The following SFT2D1 variants were observed in gnomAD, a reference collection of about 807,000 sequenced individuals.
SFT2D1 encodes the protein SFT2 domain containing 1.
SFT2D1 carries 24 observed loss-of-function variants against 28.1 expected under a neutral mutation model. The observed-to-expected ratio is 0.85, with a 90% CI of 0.62 to 1.20. The LOEUF (loss-of-function observed/expected upper bound fraction) is 1.20. Ranked by LOEUF, SFT2D1 falls within the 50% of genes most tolerant of loss-of-function variation. The pLI, the probability that SFT2D1 is intolerant of heterozygous loss-of-function variation, is 0.00. For missense variants in SFT2D1, 181 were observed against 190.9 expected (o/e 0.95, Z 0.31); for synonymous variants, 82 against 73.7 (o/e 1.11, Z -0.58).
chr6:166,320,509 TAA>T (rs1349931282), intron 7 of SFT2D1, among the ~76,000 whole-genome samples: 1 of 152,094 alleles, frequency 6.6e-6, no homozygotes, highest in Non-Finnish European at 1.5e-5. Context: ...ATCAAAGAAA[TAA>T]GTTTAAATAC....
chr6:166,321,069 C>A (rs1040168071), intron 7 of SFT2D1, among the ~76,000 whole-genome samples: 30 of 151,844 alleles, frequency 2.0e-4, no homozygotes, highest in African/African-American at 7.3e-4. Context: ...AGAGATCACG[C>A]CATTGTACTC....
chr6:166,335,212 G>A (rs1778622916), intron 1 of SFT2D1: 3 of 611,372 alleles, frequency 4.9e-6, no homozygotes, highest in Admixed American at 1.9e-5. Flanking sequence ...TGGTGGGAAT[G>A]ACAACTTCGG....
rs1159615099 is a variant in SFT2D1 at position 166,322,689 on chromosome 6, C to CAA, written c.440+166_440+167dup. On this transcript the variant is annotated intron_variant, in intron 7 of 7. Transcript: ENST00000361731. ...CTGGCGACACAGTGAGACTCTGTCT[C>CAA]AAAAAAAAAAAAAAAAAAAAAAGTA... Among the ~76,000 whole-genome samples, 511 of 53,910 alleles carry CAA rather than the reference C, an allele frequency of 9.5e-3. 17 individuals carry two copies. The highest frequency in any genetic ancestry group is 0.031 in the Middle Eastern group (3 of 98). The allele number at this position is 53,910 out of a possible 152,430, so 35.4% of individuals were successfully genotyped here. A position where few individuals can be genotyped will look rare whatever the true frequency, so the allele number is the denominator to read the frequency against.
chr6:166,328,177 A>G (rs1331494429), intron 4 of SFT2D1, 99 bp downstream of exon 4: 2 of 518,142 alleles, frequency 3.9e-6, no homozygotes, highest in Non-Finnish European at 6.2e-6. Flanking sequence ...AAAAATAAAA[A>G]TAAAAAAAGA....
At chr6:166,335,643 A>G (rs1320476045) in intron 1 of SFT2D1, among the ~76,000 whole-genome samples, 2 of 151,936 alleles carry the variant, frequency 1.3e-5, no homozygotes, top group Non-Finnish European at 2.9e-5. Context: ...TAACTCCCAC[A>G]TGCTTAGCGT....
At chr6:166,339,087 A>G (rs1424424623) in intron 1 of SFT2D1, among the ~76,000 whole-genome samples, 2 of 152,006 alleles carry the variant, frequency 1.3e-5, no homozygotes, top group Non-Finnish European at 2.9e-5. Flanking sequence ...CCCTCACCCC[A>G]TTCAGGTCTG....
chr6:166,333,296 G>A (rs917123153), intron 1 of SFT2D1, among the ~76,000 whole-genome samples: 58 of 152,176 alleles, frequency 3.8e-4, no homozygotes, highest in African/African-American at 1.4e-3. Context: ...TGCAGCATGC[G>A]GCACGGGTTC....
rs117678306 is a variant in SFT2D1 at position 166,335,759 on chromosome 6, G to A, written c.64-5512C>T. Among the ~76,000 whole-genome samples the A allele has an allele frequency of 7.7e-4, 117 of 152,340 alleles. 1 individual carries two copies. The East Asian group carries it at 0.018, about 24-fold the overall frequency. The stretch of plus-strand genomic sequence containing the variant: ...GCACTGGCAGAAGATTTTAATCACT[G>A]CCAGGAAACAAAGTTTAGCCGGAAA... On this transcript the variant is annotated intron_variant, in intron 1 of 7. Coordinates refer to ENST00000361731, the MANE Select transcript of SFT2D1 (RefSeq NM_145169.3).
intron 5 of SFT2D1, 51 bp downstream of exon 5, chr6:166,326,081 G>A (rs764212223): frequency 9.2e-6 from 14 of 1,525,640 alleles, no homozygotes; most frequent in Admixed American, 1.7e-5. Flanking sequence ...ACGTCAGCTG[G>A]GGTGGGGGGC....
At chr6:166,323,150 G>A in intron 6 of SFT2D1, 1 of 359,490 alleles carries the variant, frequency 2.8e-6, no homozygotes, top group East Asian at 4.4e-5. Flanking sequence ...GGTGATTCTG[G>A]TGCATGCTAA....
chr6:166,328,414 C>A, intron 3 of SFT2D1, 57 bp from the exon 4 acceptor site: 2 of 954,270 alleles, frequency 2.1e-6, no homozygotes, highest in Admixed American at 2.8e-5. Flanking sequence ...TCTGGTTATG[C>A]AAAAATAAAC....
intron 1 of SFT2D1, among the ~76,000 whole-genome samples, chr6:166,336,426 G>A (rs1437795176): frequency 6.6e-6 from 1 of 152,164 alleles, no homozygotes; most frequent in South Asian, 2.1e-4. Context: ...TGAAGCTTGT[G>A]TATCATCCAT....
rs1460046701 is a variant in SFT2D1, at chr6:166,335,529, G to A, written c.64-5282C>T. On this transcript the variant is annotated intron_variant, in intron 1 of 7. Coordinates refer to ENST00000361731, the MANE Select transcript of SFT2D1 (RefSeq NM_145169.3). ...TACGGTGGTTCCAGTAGCAACAGTA[G>A]CCATGGCACTGGCAGAAGATTTTAA... The A allele has an allele frequency of 2.0e-5, 9 of 455,888 alleles. No homozygotes were observed. The East Asian group carries it at 2.1e-4, about 10-fold the overall frequency. The allele number at this position is 455,888 out of a possible 1,614,324, so 28.2% of individuals were successfully genotyped here. A position where few individuals can be genotyped will look rare whatever the true frequency, so the allele number is the denominator to read the frequency against.
chr6:166,329,470 C>T (rs771079809), intron 3 of SFT2D1, 37 bp downstream of exon 3: 1 of 1,578,372 alleles, frequency 6.3e-7, no homozygotes, highest in South Asian at 1.1e-5. Flanking sequence ...AATTTGGTAG[C>T]AAGAGCAAAC....
chr6:166,342,488 G>C lies in SFT2D1; in HGVS notation c.-7C>G. 2 of 1,548,698 alleles carry C rather than the reference G, an allele frequency of 1.3e-6. No individual in the cohort carries two copies. Among genetic ancestry groups the C allele is most frequent in the Non-Finnish European group, 1.7e-6 (2 of 1,146,784 alleles). ...CTCGCCGCAGCTTCTCCATGGCCCTGTTACAGGGCCGTAGCGGCCGCCACT... is the reference window on the plus strand; with the variant it reads ...CTCGCCGCAGCTTCTCCATGGCCCTCTTACAGGGCCGTAGCGGCCGCCACT... On this transcript the variant is annotated 5_prime_UTR_variant, in exon 1 of 8. Transcript: ENST00000361731.
chr6:166,340,400 A>G (rs1229068576), intron 1 of SFT2D1, among the ~76,000 whole-genome samples: 1 of 152,102 alleles, frequency 6.6e-6, no homozygotes, highest in African/African-American at 2.4e-5. Flanking sequence ...AATCCTTTCT[A>G]TGGCCTATGA....
intron 1 of SFT2D1, among the ~76,000 whole-genome samples, chr6:166,339,875 A>G (rs1778742713): frequency 6.6e-6 from 1 of 152,020 alleles, no homozygotes; most frequent in Non-Finnish European, 1.5e-5. Context: ...TCTCTCTCCT[A>G]TTTCCTCCCA....
At position 166,326,165 on chromosome 6, in the gene SFT2D1, C is replaced by T. The variant is rs1043306690; in HGVS notation, c.318G>A (p.Leu106=). 1 of 1,613,332 alleles carries T rather than the reference C, an allele frequency of 6.2e-7. No individual in the cohort carries two copies. Among genetic ancestry groups the T allele is most frequent in the Non-Finnish European group, 8.5e-7 (1 of 1,179,468 alleles). Residue 106 remains leucine (L), a splice_region_variant and synonymous_variant, in exon 5 of 8, where the codon TTG becomes TTA. Transcript: ENST00000361731. ...TRLLATIVML[L]CFIFTLCAAL... is the part of the protein sequence containing the mutation. The stretch of plus-strand genomic sequence containing the variant: ...CAGCACACAGGGTAAATATGAAACA[C>T]AACTACAGGGGAAGAAAGAGTAGAT...
At chr6:166,323,306 A>T (rs368493346) in intron 6 of SFT2D1, 2 of 157,256 alleles carry the variant, frequency 1.3e-5, no homozygotes, top group East Asian at 3.7e-4. Context: ...GTTTCTTCAC[A>T]TATCAGTGAA....
Sources: gnomAD v4.1 joint callset for allele counts (sites outside exome capture counted in the v4.1 genomes callset) on GRCh38, gnomAD v4.1.1 for gene constraint, MANE v1.5 for transcripts, NCBI Gene and HGNC (gene_info 2026-07-23, HGNC 2026-07-21) for gene names.